COL23A1: variants seen among roughly 807,000 people sequenced by gnomAD.
The protein encoded by COL23A1 is collagen type XXIII alpha 1 chain.
COL23A1 carries 97 observed loss-of-function variants against 99.3 expected under a neutral mutation model. That is an observed-to-expected ratio of 0.98 (90% confidence interval 0.83 to 1.16). The LOEUF is 1.16. COL23A1 is among the 50% of genes most tolerant of loss of function. COL23A1 has a pLI of 0.00. For synonymous variants in COL23A1, 320 were observed against 308.2 expected, an observed-to-expected ratio of 1.04 and a Z score of -0.40; for missense variants, 762 against 757.4, an observed-to-expected ratio of 1.01 and a Z score of -0.07.
chr5:178,504,127 G>A (rs1758731682), intron 2 of COL23A1, among the ~76,000 whole-genome samples: 1 of 152,088 alleles, frequency 6.6e-6, no homozygotes, highest in South Asian at 2.1e-4. Flanking sequence ...TCATCTTTTC[G>A]TCTGAGGCAT....
At position 178,267,349 on chromosome 5, in the gene COL23A1, A is replaced by G. The variant is rs367858421; in HGVS notation, c.496-16T>C. The G allele has an allele frequency of 8.1e-6, 13 of 1,613,452 alleles. No homozygotes were observed. The highest frequency in any genetic ancestry group is 1.1e-5 in the Non-Finnish European group (13 of 1,179,728). On this transcript the variant is annotated splice_polypyrimidine_tract_variant and intron_variant, in intron 7 of 28. Transcript: ENST00000390654. ...CTGGTGCACCCTGGGAACAAAAGAC[A>G]GGGAGAGGCATCACCACTGCTTTCA...
chr5:178,241,936 G>A, intron 27 of COL23A1, 106 bp downstream of exon 27: 2 of 793,540 alleles, frequency 2.5e-6, no homozygotes, highest in Non-Finnish European at 4.1e-6. Flanking sequence ...CGTGACCAGT[G>A]GGGCCTCTGG....
chr5:178,240,150 G>A (rs1048039678), intron 27 of COL23A1, among the ~76,000 whole-genome samples: 2 of 152,152 alleles, frequency 1.3e-5, no homozygotes, highest in African/African-American at 4.8e-5. Context: ...AGCAGGGGCC[G>A]GGTTTCCTCA....
chr5:178,383,548 G>A (rs1319548149), intron 2 of COL23A1, among the ~76,000 whole-genome samples: 2 of 152,216 alleles, frequency 1.3e-5, no homozygotes, highest in African/African-American at 2.4e-5. Context: ...CATTCTCCAG[G>A]GACTCAGCCC....
In COL23A1 at chr5:178,262,268, G is replaced by A. The variant is rs567806508; in HGVS notation, c.640-16C>T. The A allele has an allele frequency of 2.4e-5, 38 of 1,576,806 alleles. No homozygotes were observed. Among genetic ancestry groups the A allele is most frequent in the Middle Eastern group, 3.3e-4 (2 of 5,996 alleles). ...CTTTGGGGCCCTGCGGAAGTGTGAGGGGACAGCAGTGAAGGATGCAGGATG... is the reference window on the plus strand; with the variant it reads ...CTTTGGGGCCCTGCGGAAGTGTGAGAGGACAGCAGTGAAGGATGCAGGATG... On this transcript the variant is annotated splice_polypyrimidine_tract_variant and intron_variant, in intron 9 of 28. Transcript: ENST00000390654.
intron 1 of COL23A1, among the ~76,000 whole-genome samples, chr5:178,570,258 G>T (rs1435447994): frequency 6.6e-6 from 1 of 151,908 alleles, no homozygotes; most frequent in African/African-American, 2.4e-5. Flanking sequence ...GACTACAGGT[G>T]CCGCCAAGTC....
At chr5:178,536,927 A>G (rs1053460910) in intron 2 of COL23A1, among the ~76,000 whole-genome samples, 2 of 152,124 alleles carry the variant, frequency 1.3e-5, no homozygotes, top group African/African-American at 2.4e-5. Flanking sequence ...TGGTTCTACC[A>G]CGGGGCCTGC....
chr5:178,421,743 C>T (rs539449412), intron 2 of COL23A1, among the ~76,000 whole-genome samples: 1 of 152,294 alleles, frequency 6.6e-6, no homozygotes, highest in African/African-American at 2.4e-5. Context: ...GTGGCAGGCC[C>T]CTGTAATCCC....
At chr5:178,288,262 G>T in intron 5 of COL23A1, 62 bp downstream of exon 5, 1 of 1,348,864 alleles carries the variant, frequency 7.4e-7, no homozygotes, top group Non-Finnish European at 1.1e-6. Context: ...TCAAGGCTCA[G>T]GGAAAGAATA....
rs966836334 is a variant in COL23A1 at position 178,583,569 on chromosome 5, C to T, written c.294+6335G>A. Among the ~76,000 whole-genome samples, 5 of 152,242 alleles carry T rather than the reference C, an allele frequency of 3.3e-5. No homozygotes were observed. In the East Asian group the frequency reaches 5.8e-4, roughly 18 times the overall value. ...GTCTCAGTGACCAGGACGGGTAATC[C>T]GTATTGTTAGATGCAGGCTGTCTGT... On this transcript the variant is annotated intron_variant, in intron 1 of 28. Transcript: ENST00000390654.
chr5:178,288,381 G>C (rs1757271935), intron 4 of COL23A1, 31 bp from the exon 5 acceptor site: 3 of 1,600,842 alleles, frequency 1.9e-6, no homozygotes, highest in Admixed American at 1.7e-5. Flanking sequence ...TTAATAATCA[G>C]AGTTTCGGCA....
chr5:178,424,690 T>A (rs1376715051), intron 2 of COL23A1, among the ~76,000 whole-genome samples: 1 of 152,180 alleles, frequency 6.6e-6, no homozygotes, highest in Non-Finnish European at 1.5e-5. Flanking sequence ...CAATTAAACC[T>A]GAGCTGTCAC....
At chr5:178,315,661 T>C (rs574689402) in intron 2 of COL23A1, among the ~76,000 whole-genome samples, 1 of 151,760 alleles carries the variant, frequency 6.6e-6, no homozygotes, top group Non-Finnish European at 1.5e-5. Flanking sequence ...CTGGTCACGG[T>C]CTCCGGATCA....
intron 25 of COL23A1, among the ~76,000 whole-genome samples, chr5:178,245,428 T>C (rs1764633221): frequency 6.8e-6 from 1 of 147,562 alleles, no homozygotes; most frequent in Non-Finnish European, 1.5e-5. Context: ...CAATCCTCCA[T>C]CCATTCATCC....
intron 2 of COL23A1, among the ~76,000 whole-genome samples, chr5:178,419,567 C>T (rs1765489248): frequency 6.6e-6 from 1 of 152,228 alleles, no homozygotes; most frequent in African/African-American, 2.4e-5. Context: ...GGGTTGCAGA[C>T]TGGGCATCCC....
rs1489399495 is a variant in COL23A1 at position 178,468,214 on chromosome 5, C to A, written c.361+92468G>T. ...ACCCACCCAGACCCCACCCAGACCC[C>A]ACCCAGACTCCAGCCAGAAGCCACG... On this transcript the variant is annotated intron_variant, in intron 2 of 28. Transcript: ENST00000390654. This position sits in a 1 kb window ranked among gnomAD's most constrained non-coding sequence, Gnocchi z 4.2. Among the ~76,000 whole-genome samples, 1 of 148,998 alleles carries A rather than the reference C, an allele frequency of 6.7e-6. No homozygotes were observed. The highest frequency in any genetic ancestry group is 2.5e-5 in the African/African-American group (1 of 40,548).
In COL23A1 at chr5:178,309,173, A is replaced by G. The variant is rs1376896019; in HGVS notation, c.362-2254T>C. Among the ~76,000 whole-genome samples the G allele has an allele frequency of 1.3e-5, 2 of 152,194 alleles. No individual in the cohort carries two copies. Among genetic ancestry groups the G allele is most frequent in the African/African-American group, 2.4e-5 (1 of 41,448 alleles). ...TCTCCGTCTGGGTAACTGAAGCCAG[A>G]TGAAGACATCTGCCTGTGTTGGGGC... On this transcript the variant is annotated intron_variant, in intron 2 of 28. Transcript: ENST00000390654. The surrounding 1 kb of genome is among the most constrained non-coding windows in gnomAD (Gnocchi z 4.7).
At chr5:178,254,092 A>C (rs1299419971) in intron 16 of COL23A1, among the ~76,000 whole-genome samples, 1 of 151,760 alleles carries the variant, frequency 6.6e-6, no homozygotes, top group Non-Finnish European at 1.5e-5. Context: ...TGAACCTGGG[A>C]GGAGGAGGTT....
rs914831251 is a variant in COL23A1 at position 178,468,537 on chromosome 5, G to A, written c.361+92145C>T. ...GCCTCCCTCATCTGCTCACACCCAG[G>A]CCTCACCCGGCCCCGTCCCTCTGAG... On this transcript the variant is annotated intron_variant, in intron 2 of 28. Coordinates refer to ENST00000390654, the MANE Select transcript of COL23A1 (RefSeq NM_173465.4). The surrounding 1 kb of genome is among the most constrained non-coding windows in gnomAD (Gnocchi z 4.2). Among the ~76,000 whole-genome samples the A allele has an allele frequency of 6.6e-6, 1 of 152,014 alleles. No individual in the cohort carries two copies. The highest frequency in any genetic ancestry group is 1.5e-5 in the Non-Finnish European group (1 of 67,988).
Sources: gnomAD v4.1 joint callset for allele counts (sites outside exome capture counted in the v4.1 genomes callset) on GRCh38, gnomAD v4.1.1 for gene constraint, Gnocchi (gnomAD v3.1) non-coding constraint, MANE v1.5 for transcripts, NCBI Gene and HGNC (gene_info 2026-07-23, HGNC 2026-07-21) for gene names.